Variants in PITPNB observed in about 807,000 individuals in gnomAD.
The protein encoded by PITPNB is phosphatidylinositol transfer protein beta isoform.
PITPNB carries 16 observed loss-of-function variants against 45.9 expected under a neutral mutation model. The ratio of observed to expected loss-of-function variants is 0.35; its 90% CI spans 0.24 to 0.53. The LOEUF is 0.53. Among genes scored for constraint, PITPNB ranks in the 20% least tolerant of loss-of-function variants. PITPNB has a pLI of 0.93. For synonymous variants in PITPNB, 112 were observed against 108.9 expected, an observed-to-expected ratio of 1.03 and a Z score of -0.18; for missense variants, 188 against 330.5, an observed-to-expected ratio of 0.57 and a Z score of 3.34.
intron 7 of PITPNB, among the ~76,000 whole-genome samples, chr22:27,889,969 G>A (rs1162498250): frequency 6.6e-6 from 1 of 152,192 alleles, no homozygotes; most frequent in African/African-American, 2.4e-5. Flanking sequence ...TGACCTTCAG[G>A]TGGTCCAGGT....
intron 7 of PITPNB, among the ~76,000 whole-genome samples, chr22:27,884,855 T>C (rs556181743): frequency 2.6e-4 from 39 of 152,314 alleles, no homozygotes; most frequent in African/African-American, 8.7e-4. Context: ...CTTTTAGGTA[T>C]GTAAGCCTTA....
chr22:27,910,234 G>C (rs760707279), intron 3 of PITPNB, among the ~76,000 whole-genome samples: 4 of 152,142 alleles, frequency 2.6e-5, no homozygotes, highest in Non-Finnish European at 4.4e-5. Flanking sequence ...ACAAGCGTGA[G>C]CCACCGCGCC....
At chr22:27,913,258 A>G (rs2146430793) in intron 2 of PITPNB, among the ~76,000 whole-genome samples, 1 of 152,314 alleles carries the variant, frequency 6.6e-6, no homozygotes, top group South Asian at 2.1e-4. Flanking sequence ...AGTCTACACT[A>G]AACAGTGCCA....
At chr22:27,871,936 A>G (rs1219669680) in intron 8 of PITPNB, among the ~76,000 whole-genome samples, 2 of 151,916 alleles carry the variant, frequency 1.3e-5, no homozygotes, top group South Asian at 4.2e-4. Context: ...TGCATGGCAC[A>G]CTTCCCCTGC....
Position 27,884,987 on chromosome 22 carries a change from TA to T in PITPNB, c.456+9567del, listed in dbSNP as rs563890895. ...TCCTTTCTTGTTATACATAAATATCTAAAAATGTGGTTCCAATTTCTTTTTT... is the reference window on the plus strand; with the variant it reads ...TCCTTTCTTGTTATACATAAATATCTAAAATGTGGTTCCAATTTCTTTTTT... On this transcript the variant is annotated intron_variant, in intron 7 of 11. Coordinates refer to ENST00000335272, the MANE Select transcript of PITPNB (RefSeq NM_012399.5). Among the ~76,000 whole-genome samples the T allele has an allele frequency of 5.0e-3, 756 of 151,272 alleles. 1 individual carries two copies. Among genetic ancestry groups the T allele is most frequent in the Admixed American group, 7.3e-3 (111 of 15,196 alleles).
chr22:27,872,654 A>G (rs1934703275), intron 8 of PITPNB, among the ~76,000 whole-genome samples: 1 of 144,030 alleles, frequency 6.9e-6, no homozygotes, highest in Non-Finnish European at 1.5e-5. Context: ...GGGCTGTAAC[A>G]GTAATCCTCT....
chr22:27,915,048 A>T (rs1936037444), intron 1 of PITPNB, among the ~76,000 whole-genome samples: 1 of 152,226 alleles, frequency 6.6e-6, no homozygotes, highest in East Asian at 1.9e-4. Flanking sequence ...AATCCAAAAC[A>T]GTATCATGGT....
intron 3 of PITPNB, among the ~76,000 whole-genome samples, chr22:27,902,122 A>G (rs936127838): frequency 6.6e-6 from 1 of 152,154 alleles, no homozygotes; most frequent in Non-Finnish European, 1.5e-5. Context: ...GTGAAATTAA[A>G]GAACAGGGTA....
chr22:27,868,526 C>T (rs567593308), intron 8 of PITPNB, among the ~76,000 whole-genome samples: 1 of 152,286 alleles, frequency 6.6e-6, no homozygotes, highest in Admixed American at 6.5e-5. Flanking sequence ...CCTCCACTGG[C>T]ATGAAGGATC....
chr22:27,853,846 A>G (rs1312210255), intron 11 of PITPNB, among the ~76,000 whole-genome samples, 183 bp from the exon 12 acceptor site: 2 of 152,194 alleles, frequency 1.3e-5, no homozygotes, highest in Admixed American at 1.3e-4. Flanking sequence ...ATGCCACAAT[A>G]TATTGTCTCA....
At chr22:27,872,615 A>C (rs1934702386) in intron 8 of PITPNB, among the ~76,000 whole-genome samples, 1 of 152,180 alleles carries the variant, frequency 6.6e-6, no homozygotes, top group African/African-American at 2.4e-5. Flanking sequence ...TCTAACACCC[A>C]GGGAGAACCA....
Position 27,901,143 on chromosome 22 carries a change from A to G in PITPNB, c.198-3251T>C, listed in dbSNP as rs117683080. 1.5e-3 allele frequency among the ~76,000 whole-genome samples: 231 copies of G among 152,346 alleles called. 2 individuals carry two copies. The East Asian group carries it at 0.024, about 16-fold the overall frequency. On this transcript the variant is annotated intron_variant, in intron 3 of 11. Transcript: ENST00000335272. ...GCTAGATTTCAGCTGCTTAAGAGTG[A>G]AGAGTTAAGAGTTACCCATAGCACA...
At chr22:27,915,482 T>C (rs1477055816) in intron 1 of PITPNB, among the ~76,000 whole-genome samples, 2 of 152,134 alleles carry the variant, frequency 1.3e-5, no homozygotes, top group African/African-American at 4.8e-5. Context: ...AGCTACACTT[T>C]CCATCTACTC....
At chr22:27,856,919 A>G (rs1934190456) in intron 10 of PITPNB, among the ~76,000 whole-genome samples, 1 of 152,186 alleles carries the variant, frequency 6.6e-6, no homozygotes, top group Non-Finnish European at 1.5e-5. Context: ...TGCTTGTTAG[A>G]GTCAGAGAAA....
intron 7 of PITPNB, among the ~76,000 whole-genome samples, chr22:27,889,477 C>T (rs557409187): frequency 2.6e-5 from 4 of 152,198 alleles, no homozygotes; most frequent in Admixed American, 2.0e-4. Flanking sequence ...AAGAAATAAA[C>T]GTATAATGTG....
chr22:27,884,339 T>G (rs1935056643), intron 7 of PITPNB, among the ~76,000 whole-genome samples: 1 of 152,174 alleles, frequency 6.6e-6, no homozygotes, highest in Admixed American at 6.5e-5. Context: ...GAGTAACAAC[T>G]AGTGTGAAGT....
intron 3 of PITPNB, among the ~76,000 whole-genome samples, chr22:27,899,340 T>C (rs1235049416): frequency 6.6e-6 from 1 of 152,226 alleles, no homozygotes; most frequent in African/African-American, 2.4e-5. Flanking sequence ...TTTTTTCTTT[T>C]TTGAGACGGA....
At chr22:27,907,788 C>T (rs892448013) in intron 3 of PITPNB, among the ~76,000 whole-genome samples, 2 of 152,112 alleles carry the variant, frequency 1.3e-5, no homozygotes, top group Non-Finnish European at 2.9e-5. Flanking sequence ...GTCTCTGTCA[C>T]CATTCTGTCA....
At chr22:27,861,613 C>T (rs934139517) in intron 8 of PITPNB, among the ~76,000 whole-genome samples, 11 of 152,150 alleles carry the variant, frequency 7.2e-5, no homozygotes, top group African/African-American at 2.7e-4. Context: ...TGGTCCTGTC[C>T]TCAGGGGCTC....
Sources: gnomAD v4.1 joint callset for allele counts (sites outside exome capture counted in the v4.1 genomes callset) on GRCh38, gnomAD v4.1.1 for gene constraint, MANE v1.5 for transcripts, NCBI Gene and HGNC (gene_info 2026-07-23, HGNC 2026-07-21) for gene names.